Variants in RGS7 observed in about 807,000 individuals in gnomAD.
RGS7 encodes the protein regulator of G protein signaling 7.
In RGS7, 27 loss-of-function variants were observed where a neutral mutation model predicts 81.1. The ratio of observed to expected loss-of-function variants is 0.33; its 90% CI spans 0.25 to 0.46. The LOEUF (loss-of-function observed/expected upper bound fraction) is 0.46, where lower values mean the gene tolerates loss of function less well. Among genes scored for constraint, RGS7 ranks in the 20% least tolerant of loss-of-function variants. The pLI is 1.00. For synonymous variants in RGS7, 208 were observed against 207.7 expected (o/e 1.00, Z -0.01); for missense variants, 396 against 607.4 (o/e 0.65, Z 3.66).
At chr1:241,125,382 C>A (rs939596136) in intron 2 of RGS7, among the ~76,000 whole-genome samples, 13 of 152,064 alleles carry the variant, frequency 8.5e-5, no homozygotes, top group Admixed American at 5.9e-4. Context: ...GTCTTTGACC[C>A]TTTTTCCTCC....
At chr1:241,040,933 C>A (rs12116847) in intron 3 of RGS7, among the ~76,000 whole-genome samples, 1 of 152,180 alleles carries the variant, frequency 6.6e-6, no homozygotes, top group Non-Finnish European at 1.5e-5. Flanking sequence ...ACGTGCAACT[C>A]CCTCTCATGT....
At chr1:241,239,972 T>G (rs1015497106) in intron 2 of RGS7, among the ~76,000 whole-genome samples, 1 of 152,096 alleles carries the variant, frequency 6.6e-6, no homozygotes, top group African/African-American at 2.4e-5. Flanking sequence ...TCAAGGAGAA[T>G]AAATGGATTA....
chr1:240,942,800 C>G (rs921816865), intron 4 of RGS7, among the ~76,000 whole-genome samples: 2 of 152,070 alleles, frequency 1.3e-5, no homozygotes, highest in African/African-American at 2.4e-5. Flanking sequence ...TTTTAGAAAT[C>G]CTTCAAAATA....
chr1:240,989,164 C>T (rs1572143466), intron 3 of RGS7, among the ~76,000 whole-genome samples: 1 of 152,026 alleles, frequency 6.6e-6, no homozygotes, highest in East Asian at 1.9e-4. Flanking sequence ...ATCAGGCCGG[C>T]CACGGTGGCT....
At chr1:240,842,992 A>G (rs1658371187) in intron 9 of RGS7, among the ~76,000 whole-genome samples, 1 of 151,682 alleles carries the variant, frequency 6.6e-6, no homozygotes, top group African/African-American at 2.4e-5. Context: ...GTGAAACCCC[A>G]TCTCTACTAA....
At chr1:241,225,936 A>G (rs1055019912) in intron 2 of RGS7, among the ~76,000 whole-genome samples, 5 of 152,218 alleles carry the variant, frequency 3.3e-5, no homozygotes, top group African/African-American at 4.8e-5. Context: ...ATCCTTTGGT[A>G]CTAAACAGTT....
intron 2 of RGS7, among the ~76,000 whole-genome samples, chr1:241,134,444 T>A (rs2067345390): frequency 6.6e-6 from 1 of 152,230 alleles, no homozygotes; most frequent in South Asian, 2.1e-4. Context: ...CCTACATATG[T>A]ATATAAAATG....
intron 2 of RGS7, among the ~76,000 whole-genome samples, chr1:241,351,483 A>G (rs1004009275): frequency 6.6e-6 from 1 of 151,934 alleles, no homozygotes; most frequent in African/African-American, 2.4e-5. Flanking sequence ...TTTTGCCAGT[A>G]CCACCATATG....
At chr1:241,068,238 G>GTGTGTGTGTGTGTGTGTGTATATATA in intron 3 of RGS7, among the ~76,000 whole-genome samples, 2 of 35,656 alleles carry the variant, frequency 5.6e-5, no homozygotes, top group Non-Finnish European at 1.1e-4. Flanking sequence ...GTGTGTGTGT[G>GTGTGTGTGTGTGTGTGTGTATATATA]TATATATATA....
intron 4 of RGS7, among the ~76,000 whole-genome samples, chr1:240,949,900 T>C (rs1480676107): frequency 6.8e-6 from 1 of 146,742 alleles, no homozygotes; most frequent in East Asian, 2.0e-4. Flanking sequence ...AACTGAGACA[T>C]TTAAAGAGCT....
intron 6 of RGS7, among the ~76,000 whole-genome samples, chr1:240,922,118 G>A (rs2148306317): frequency 6.6e-6 from 1 of 152,060 alleles, no homozygotes; most frequent in East Asian, 1.9e-4. Context: ...GTAATCGAAT[G>A]GAGAGAAGAT....
intron 2 of RGS7, among the ~76,000 whole-genome samples, chr1:241,191,475 A>T (rs543028731): frequency 6.6e-6 from 1 of 152,298 alleles, no homozygotes; most frequent in South Asian, 2.1e-4. Context: ...TTTGATTATG[A>T]TGTATAACTC....
chr1:241,160,069 C>G (rs59017110), intron 2 of RGS7, among the ~76,000 whole-genome samples: 2,451 of 144,652 alleles, frequency 0.017, 46 homozygotes, highest in East Asian at 0.058. Context: ...CAAGATAGCA[C>G]CACGGCACTA....
chr1:241,049,878 T>C (rs189135801), intron 3 of RGS7, among the ~76,000 whole-genome samples: 1 of 152,162 alleles, frequency 6.6e-6, no homozygotes, highest in Non-Finnish European at 1.5e-5. Context: ...CACACTGTAC[T>C]AACCCAAAAA....
At chr1:240,885,104 CT>C (rs1262126485) in intron 6 of RGS7, among the ~76,000 whole-genome samples, 12 of 152,312 alleles carry the variant, frequency 7.9e-5, no homozygotes, top group Non-Finnish European at 1.5e-4. Flanking sequence ...TGAACAGACA[CT>C]TTTCCAAACA....
At chr1:241,089,846 A>G (rs1288433991) in intron 3 of RGS7, among the ~76,000 whole-genome samples, 3 of 151,984 alleles carry the variant, frequency 2.0e-5, no homozygotes, top group Non-Finnish European at 4.4e-5. Flanking sequence ...TCTACTAAAA[A>G]TACAAAAAAA....
intron 9 of RGS7, among the ~76,000 whole-genome samples, chr1:240,858,506 C>T (rs1252291544): frequency 6.6e-6 from 1 of 152,034 alleles, no homozygotes; most frequent in Non-Finnish European, 1.5e-5. Flanking sequence ...CATCTTTTTG[C>T]CCTCTGTGTA....
chr1:241,000,529 T>C (rs996598298), intron 3 of RGS7, among the ~76,000 whole-genome samples: 3 of 152,344 alleles, frequency 2.0e-5, no homozygotes, highest in South Asian at 2.1e-4. Flanking sequence ...GTGAATTAGG[T>C]TGTAAGATGG....
intron 18 of RGS7, among the ~76,000 whole-genome samples, chr1:240,798,270 TAGTA>T (rs1467524865): frequency 6.6e-6 from 1 of 152,194 alleles, no homozygotes; most frequent in Non-Finnish European, 1.5e-5. Context: ...TCTAAAGTGC[TAGTA>T]AGTATTTATG....
Sources: allele counts gnomAD v4.1 joint callset (sites outside exome capture counted in the v4.1 genomes callset), GRCh38; gene constraint gnomAD v4.1.1; transcripts MANE v1.5; gene names NCBI Gene and HGNC (gene_info 2026-07-23, HGNC 2026-07-21).